The following SUMF1 variants were observed in gnomAD, a reference collection of about 807,000 sequenced individuals.
The protein encoded by SUMF1 is sulfatase modifying factor 1.
SUMF1 carries 48 observed loss-of-function variants against 47.6 expected under a neutral mutation model. The ratio of observed to expected loss-of-function variants is 1.01; its 90% confidence interval spans 0.80 to 1.28. The LOEUF is 1.28. Ranked by LOEUF, SUMF1 falls within the 50% of genes most tolerant of loss-of-function variation. The pLI is 0.00. For synonymous variants in SUMF1, 230 were observed against 192.1 expected, an observed-to-expected ratio of 1.20 and a Z score of -1.63; for missense variants, 571 against 485.4, an observed-to-expected ratio of 1.18 and a Z score of -1.66.
chr3:4,112,259 G>A (rs1693325126), intron 8 of SUMF1, among the ~76,000 whole-genome samples: 1 of 152,052 alleles, frequency 6.6e-6, no homozygotes, highest in South Asian at 2.1e-4. Context: ...ATGCCTGGTG[G>A]ATGGAACAAA....
intron 8 of SUMF1, among the ~76,000 whole-genome samples, chr3:4,344,223 G>A (rs1699327598): frequency 6.6e-6 from 1 of 152,200 alleles, no homozygotes; most frequent in African/African-American, 2.4e-5. Context: ...AGAGAAGGAA[G>A]AGCAGTGTGG....
intron 9 of SUMF1, among the ~76,000 whole-genome samples, chr3:4,065,010 G>T (rs1162788663): frequency 6.6e-6 from 1 of 152,078 alleles, no homozygotes; most frequent in Non-Finnish European, 1.5e-5. Flanking sequence ...AAAAAAGCAA[G>T]GTTTGCACCA....
intron 8 of SUMF1, among the ~76,000 whole-genome samples, chr3:4,212,888 G>T (rs952587746): frequency 6.6e-6 from 1 of 152,080 alleles, no homozygotes; most frequent in Non-Finnish European, 1.5e-5. Context: ...AACAAACAAA[G>T]CCTCCAAGAA....
At chr3:4,392,615 GTA>G (rs58350223) in intron 7 of SUMF1, among the ~76,000 whole-genome samples, 27,425 of 95,432 alleles carry the variant, frequency 0.29, 3,047 homozygotes, top group Non-Finnish European at 0.41. Context: ...GTGTGTGTGT[GTA>G]TATATATATA....
rs191456628 is a variant in SUMF1, at chr3:4,384,799, T to C, written c.955-8410A>G. 3.7e-4 allele frequency among the ~76,000 whole-genome samples: 56 copies of C among 152,338 alleles called. 1 individual carries two copies. The highest frequency in any genetic ancestry group is 1.3e-3 in the African/African-American group (53 of 41,578). On this transcript the variant is annotated intron_variant, in intron 7 of 8. Coordinates refer to ENST00000272902, the MANE Select transcript of SUMF1 (RefSeq NM_182760.4). ...GAATAAAGATGCTATGTACAGGTTT[T>C]TGTATGAACATAAGTTTTCATCCCT...
intron 8 of SUMF1, chr3:4,316,754 C>A: frequency 1.3e-6 from 2 of 1,550,776 alleles, no homozygotes; most frequent in South Asian, 1.2e-5. Flanking sequence ...CAAAGCACTT[C>A]CCAAAGCCAA....
rs545637600 is a variant in SUMF1 at position 4,347,466 on chromosome 3, T to C, written c.1014+28864A>G. ...ATCTCAATAGATGCAGAAAAGGCCT[T>C]TGATAAAATTCAACATCCCTTCATG... is the stretch of plus-strand genomic sequence containing the variant. On this transcript the variant is annotated intron_variant and NMD_transcript_variant, in intron 8 of 12. Coordinates refer to the SUMF1 transcript ENST00000448413. 5.3e-5 allele frequency among the ~76,000 whole-genome samples: 8 copies of C among 152,328 alleles called. 1 individual carries two copies. In the South Asian group the frequency reaches 1.7e-3, roughly 32 times the overall value.
downstream of SUMF1, among the ~76,000 whole-genome samples, chr3:4,358,022 A>G (rs888000658): frequency 6.6e-6 from 1 of 152,184 alleles, no homozygotes; most frequent in African/African-American, 2.4e-5. Flanking sequence ...GGTGAAAAGA[A>G]AATGCCCATA....
intron 8 of SUMF1, among the ~76,000 whole-genome samples, chr3:4,165,576 G>A (rs1475949332): frequency 2.0e-5 from 3 of 152,058 alleles, no homozygotes; most frequent in Admixed American, 6.5e-5. Flanking sequence ...TGAAAAGAAG[G>A]GTTGGACATA....
At chr3:4,228,718 G>T (rs189015678) in intron 8 of SUMF1, among the ~76,000 whole-genome samples, 27 of 152,166 alleles carry the variant, frequency 1.8e-4, no homozygotes, top group African/African-American at 6.5e-4. Flanking sequence ...AAACCACACT[G>T]TAAATTCTTA....
chr3:4,303,930 C>CGGCCGGGCGCGGTGGCTCACGCCTGTAA, intron 8 of SUMF1: 3 of 1,160,634 alleles, frequency 2.6e-6, no homozygotes, highest in Non-Finnish European at 3.3e-6. Flanking sequence ...AAAACAGCCC[C>CGGCCGGGCGCGGTGGCTCACGCCTGTAA]TCGAGTCAGC....
Position 4,132,361 on chromosome 3 carries a change from T to C in SUMF1, c.1015-63616A>G, listed in dbSNP as rs139389671. Among the ~76,000 whole-genome samples the C allele has an allele frequency of 2.6e-3, 394 of 152,246 alleles. 9 individuals are homozygous for C. The highest frequency in any genetic ancestry group is 9.0e-3 in the African/African-American group (374 of 41,534). ...CATCATTCTGAAGCAGCTAGATTGATAGAACAGTGGAATGGCCTTTTGAAG... is the reference window on the plus strand; with the variant it reads ...CATCATTCTGAAGCAGCTAGATTGACAGAACAGTGGAATGGCCTTTTGAAG... On this transcript the variant is annotated intron_variant and NMD_transcript_variant, in intron 8 of 12. Transcript: ENST00000448413.
intron 8 of SUMF1, among the ~76,000 whole-genome samples, chr3:4,196,924 A>T (rs570664040): frequency 5.9e-5 from 9 of 152,186 alleles, no homozygotes; most frequent in African/African-American, 2.2e-4. Context: ...GGCCACCTCA[A>T]CACCAGGCAT....
At position 4,206,401 on chromosome 3, in the gene SUMF1, G is replaced by A. The variant is rs188217472; in HGVS notation, c.1015-137656C>T. Among the ~76,000 whole-genome samples the A allele has an allele frequency of 2.1e-3, 315 of 152,166 alleles. 1 individual carries two copies. Among genetic ancestry groups the A allele is most frequent in the Middle Eastern group, 6.8e-3 (2 of 294 alleles). On this transcript the variant is annotated intron_variant and NMD_transcript_variant, in intron 8 of 12. Coordinates refer to the SUMF1 transcript ENST00000448413. ...TTTAGTACCCTAGAGCACTTTAGCT[G>A]GACCATTCCCCTCCAGTGAGGGCTG...
rs539182534 is a variant in SUMF1, at chr3:4,110,243, T to C, written c.1015-41498A>G. 7.0e-4 allele frequency among the ~76,000 whole-genome samples: 106 copies of C among 152,204 alleles called. 3 individuals are homozygous for C. The highest frequency in any genetic ancestry group is 2.3e-3 in the African/African-American group (97 of 41,494). ...AGCGGAGGCTGCAGAACAGCGGATA[T>C]TGGTGAACAGCAGATGTTGCTGCCT... On this transcript the variant is annotated intron_variant and NMD_transcript_variant, in intron 8 of 12. Transcript: ENST00000448413.
intron 2 of SUMF1, among the ~76,000 whole-genome samples, chr3:4,451,401 G>C (rs1702962249): frequency 6.6e-6 from 1 of 152,088 alleles, no homozygotes; most frequent in Admixed American, 6.5e-5. Context: ...GTGGCTCGAG[G>C]GTAGTAAATA....
intron 8 of SUMF1, among the ~76,000 whole-genome samples, chr3:4,319,396 C>G (rs967680783): frequency 1.3e-5 from 2 of 152,052 alleles, no homozygotes; most frequent in African/African-American, 4.8e-5. Flanking sequence ...AATCCCTGAC[C>G]AACTACAACT....
intron 8 of SUMF1, among the ~76,000 whole-genome samples, chr3:4,156,920 G>T (rs1357602664): frequency 6.6e-6 from 1 of 151,572 alleles, no homozygotes; most frequent in Non-Finnish European, 1.5e-5. Context: ...AAATGCATGT[G>T]TCTTCATATG....
At chr3:4,464,773 G>A (rs2079899450) in intron 1 of SUMF1, among the ~76,000 whole-genome samples, 1 of 152,192 alleles carries the variant, frequency 6.6e-6, no homozygotes, top group Admixed American at 6.5e-5. Context: ...TGACGTCATT[G>A]TCTTGATAAC....
Sources: allele counts gnomAD v4.1 joint callset (sites outside exome capture counted in the v4.1 genomes callset), GRCh38; gene constraint gnomAD v4.1.1; transcripts MANE v1.5; gene names NCBI Gene and HGNC (gene_info 2026-07-23, HGNC 2026-07-21).